NWD2: variants seen among roughly 807,000 people sequenced by gnomAD.
NWD2 encodes the protein NACHT and WD repeat domain-containing protein 2.
NWD2 carries 37 observed loss-of-function variants against 132.7 expected under a neutral mutation model. The observed-to-expected ratio is 0.28, with a 90% CI of 0.21 to 0.37. NWD2 has a LOEUF of 0.37. NWD2 is among the 10% of genes least tolerant of loss of function. NWD2 has a pLI of 1.00. For synonymous variants in NWD2, 705 were observed against 803.0 expected, an observed-to-expected ratio of 0.88 and a Z score of 2.06; for missense variants, 1,592 against 2,122.4, an observed-to-expected ratio of 0.75 and a Z score of 4.91.
chr4:37,350,729 G>A (rs1719742471), intron 2 of NWD2, among the ~76,000 whole-genome samples: 1 of 152,146 alleles, frequency 6.6e-6, no homozygotes, highest in Non-Finnish European at 1.5e-5. Context: ...TGTTGAATAG[G>A]AGTGATGAAA....
intron 2 of NWD2, among the ~76,000 whole-genome samples, chr4:37,354,960 A>G (rs138911284): frequency 6.5e-4 from 99 of 152,198 alleles, no homozygotes; most frequent in African/African-American, 2.3e-3. Context: ...AGCCCTATTT[A>G]TTCATTTATT....
chr4:37,404,579 C>G lies in NWD2; in HGVS notation c.358-25993C>G, dbSNP rs542926437. Among the ~76,000 whole-genome samples, 10 of 152,332 alleles carry G rather than the reference C, an allele frequency of 6.6e-5. No homozygotes were observed. In the East Asian group the frequency reaches 1.7e-3, roughly 26 times the overall value. On this transcript the variant is annotated intron_variant, in intron 3 of 6. Transcript: ENST00000309447. ...TCACCACTGCTTGCCTGCCCCATATCCCTCTTTCTGATCCAGCCTATAACC... is the reference window on the plus strand; with the variant it reads ...TCACCACTGCTTGCCTGCCCCATATGCCTCTTTCTGATCCAGCCTATAACC...
intron 1 of NWD2, among the ~76,000 whole-genome samples, chr4:37,250,909 GTACTGAA>G (rs1050930097): frequency 3.4e-4 from 52 of 152,350 alleles, no homozygotes; most frequent in Admixed American, 3.3e-3. Flanking sequence ...GCATGTTATT[GTACTGAA>G]TACTGAATAG....
chr4:37,281,970 C>T (rs753777683), intron 1 of NWD2, among the ~76,000 whole-genome samples: 22 of 152,126 alleles, frequency 1.4e-4, no homozygotes, highest in South Asian at 4.2e-4. Flanking sequence ...TATGATTCCC[C>T]GGGAAGAAAC....
Position 37,350,896 on chromosome 4 carries a change from G to A in NWD2, c.241-5470G>A, listed in dbSNP as rs552624887. On this transcript the variant is annotated intron_variant, in intron 2 of 6. Transcript: ENST00000309447. Reference sequence around the variant, plus strand: ...TTATTGAGTGTTTTTAGCATAAAGGGGTGTTGAATTTTATTGAAGGCCTTT... The same window carrying A: ...TTATTGAGTGTTTTTAGCATAAAGGAGTGTTGAATTTTATTGAAGGCCTTT... 1.7e-3 allele frequency among the ~76,000 whole-genome samples: 264 copies of A among 152,164 alleles called. 1 individual carries two copies. The highest frequency in any genetic ancestry group is 6.1e-3 in the African/African-American group (252 of 41,500).
At chr4:37,394,259 A>G (rs771832608) in intron 3 of NWD2, among the ~76,000 whole-genome samples, 1 of 152,182 alleles carries the variant, frequency 6.6e-6, no homozygotes, top group Non-Finnish European at 1.5e-5. Context: ...TTTTCTTTAT[A>G]TATTCATCTT....
chr4:37,276,796 A>G (rs571799405), intron 1 of NWD2, among the ~76,000 whole-genome samples: 1 of 152,266 alleles, frequency 6.6e-6, no homozygotes, highest in African/African-American at 2.4e-5. Context: ...ATGGAATACT[A>G]TGCAGCCATA....
At chr4:37,396,244 G>T (rs779615856) in intron 3 of NWD2, among the ~76,000 whole-genome samples, 3 of 152,094 alleles carry the variant, frequency 2.0e-5, no homozygotes, top group African/African-American at 4.8e-5. Flanking sequence ...TGTCTTCTTA[G>T]GGCTACCACC....
Position 37,446,276 on chromosome 4 carries a change from C to T in NWD2, c.4288C>T (p.His1430Tyr), listed in dbSNP as rs1402002686. Residue 1430 changes from histidine (H) to tyrosine (Y), a missense_variant, in exon 7 of 7, where the codon CAC becomes TAC. By Grantham distance (83) the His-to-Tyr change is moderately conservative (BLOSUM62 2). This residue lies in a region of NWD2 where 24 missense variants were observed against 65.2 expected (regional missense o/e 0.37). Transcript: ENST00000309447. This position sits in a 1 kb window ranked among gnomAD's most constrained non-coding sequence, Gnocchi z 6.7. ...CAGGGTTTGGAGGCTCGCCACAGGC[C>T]ACAGGGTCTGCAACATTCTGACCAC... ...ASRVWRLATG[H>Y]RVCNILTTLQ... The T allele has an allele frequency of 6.4e-7, 1 of 1,551,570 alleles. No homozygotes were observed. The highest frequency in any genetic ancestry group is 8.7e-7 in the Non-Finnish European group (1 of 1,147,010).
At chr4:37,386,793 G>T (rs1560409867) in intron 3 of NWD2, among the ~76,000 whole-genome samples, 1 of 149,504 alleles carries the variant, frequency 6.7e-6, no homozygotes, top group Non-Finnish European at 1.5e-5. Context: ...GAATGAGTTG[G>T]TACCATTCCC....
chr4:37,378,472 G>A (rs184848186), intron 3 of NWD2, among the ~76,000 whole-genome samples: 2 of 152,306 alleles, frequency 1.3e-5, no homozygotes, highest in South Asian at 2.1e-4. Flanking sequence ...TTCCAAGAAC[G>A]GAAGGAAGTC....
chr4:37,434,361 G>A (rs749333880), intron 5 of NWD2, among the ~76,000 whole-genome samples: 8 of 152,130 alleles, frequency 5.3e-5, no homozygotes, highest in East Asian at 1.9e-4. Flanking sequence ...GAGTTCCTAC[G>A]TGCCAAGCAC....
At chr4:37,367,558 T>C (rs1720127280) in intron 3 of NWD2, among the ~76,000 whole-genome samples, 1 of 152,124 alleles carries the variant, frequency 6.6e-6, no homozygotes, top group Non-Finnish European at 1.5e-5. Flanking sequence ...AAATTATCAG[T>C]GCTACTTGTT....
intron 3 of NWD2, among the ~76,000 whole-genome samples, chr4:37,359,829 C>T (rs112509490): frequency 0.024 from 3,663 of 149,694 alleles, 171 homozygotes; most frequent in African/African-American, 0.083. Flanking sequence ...GCAAGCTGTG[C>T]TGTAATTCTG....
intron 2 of NWD2, among the ~76,000 whole-genome samples, chr4:37,355,778 C>T (rs923850751): frequency 7.9e-5 from 12 of 152,048 alleles, no homozygotes; most frequent in Non-Finnish European, 2.9e-5. Flanking sequence ...GTAAGGCATA[C>T]CTTTCATTTT....
intron 1 of NWD2, among the ~76,000 whole-genome samples, chr4:37,287,980 A>G (rs1718270699): frequency 6.6e-6 from 1 of 152,240 alleles, no homozygotes; most frequent in South Asian, 2.1e-4. Flanking sequence ...TTACACAGCC[A>G]TACAAAGGAA....
chr4:37,426,820 A>G (rs1712022470), intron 3 of NWD2, among the ~76,000 whole-genome samples: 1 of 152,134 alleles, frequency 6.6e-6, no homozygotes, highest in Non-Finnish European at 1.5e-5. Flanking sequence ...CCAGTAGATG[A>G]TCTGTGGAGC....
At chr4:37,335,505 A>G (rs1225072237) in intron 2 of NWD2, among the ~76,000 whole-genome samples, 4 of 152,126 alleles carry the variant, frequency 2.6e-5, no homozygotes, top group Admixed American at 2.6e-4. Context: ...CACATTATTT[A>G]TATCTTCATA....
At chr4:37,406,000 T>C (rs1452753019) in intron 3 of NWD2, among the ~76,000 whole-genome samples, 1 of 152,180 alleles carries the variant, frequency 6.6e-6, no homozygotes, top group Non-Finnish European at 1.5e-5. Flanking sequence ...AAATAAGTGG[T>C]TTCTAAACTG....
Sources: gnomAD v4.1 joint callset for allele counts (sites outside exome capture counted in the v4.1 genomes callset) on GRCh38, gnomAD v4.1.1 for gene constraint, gnomAD v4.1.1 regional missense constraint, Gnocchi (gnomAD v3.1) non-coding constraint, MANE v1.5 for transcripts, NCBI Gene and HGNC (gene_info 2026-07-23, HGNC 2026-07-21) for gene names.